Variants in DCAF1 observed in about 807,000 individuals in gnomAD.
DCAF1 encodes DDB1- and CUL4-associated factor 1.
DCAF1 carries 15 observed loss-of-function variants against 128.0 expected under a neutral mutation model. That is an observed-to-expected ratio of 0.12 (90% CI 0.08 to 0.18). The LOEUF is 0.18. Ranked by LOEUF, DCAF1 falls within the 10% of genes least tolerant of loss-of-function variation. DCAF1 has a pLI of 1.00. For missense variants in DCAF1, 988 were observed against 1,649.5 expected, an observed-to-expected ratio of 0.60 and a Z score of 6.95; for synonymous variants, 610 against 603.0, an observed-to-expected ratio of 1.01 and a Z score of -0.17.
At chr3:51,396,978 AAT>A (rs2089245102), downstream of DCAF1, 1 of 167,072 alleles carries the variant, frequency 6.0e-6, no homozygotes, top group Non-Finnish European at 1.5e-5. Context: ...AGGACCAAGA[AAT>A]ACCTGTGTGA....
chr3:51,402,118 A>G (rs1005085015), intron 24 of DCAF1, among the ~76,000 whole-genome samples: 3 of 152,358 alleles, frequency 2.0e-5, no homozygotes, highest in Admixed American at 2.0e-4. Flanking sequence ...AATGGGAAAT[A>G]ACTAGAAGAA....
intron 6 of DCAF1, among the ~76,000 whole-genome samples, chr3:51,445,870 T>G (rs1701799138): frequency 6.6e-6 from 1 of 152,222 alleles, no homozygotes; most frequent in South Asian, 2.1e-4. Flanking sequence ...TTCATTTAAT[T>G]TGAATGTCCT....
intron 10 of DCAF1, among the ~76,000 whole-genome samples, chr3:51,431,216 C>T (rs1442619393): frequency 6.6e-6 from 1 of 152,014 alleles, no homozygotes; most frequent in Non-Finnish European, 1.5e-5. Flanking sequence ...AACCCATTTA[C>T]ACTTTTTAAA....
intron 13 of DCAF1, among the ~76,000 whole-genome samples, chr3:51,425,855 C>A (rs1283753964): frequency 2.0e-5 from 3 of 152,014 alleles, no homozygotes; most frequent in Non-Finnish European, 4.4e-5. Flanking sequence ...TGAACCACCA[C>A]GCCTGGCCTA....
intron 2 of DCAF1, among the ~76,000 whole-genome samples, chr3:51,486,975 CTT>C (rs879971317): frequency 7.6e-6 from 1 of 130,802 alleles, no homozygotes. Flanking sequence ...CTTTTCTTTT[CTT>C]TTTTTTTTTA....
At chr3:51,461,435 G>T (rs1553644490) in intron 6 of DCAF1, among the ~76,000 whole-genome samples, 2 of 152,164 alleles carry the variant, frequency 1.3e-5, no homozygotes, top group Admixed American at 6.6e-5. Flanking sequence ...AGGATGCGGA[G>T]AAATAGGAAC....
rs149372698 is a variant in DCAF1 at position 51,450,880 on chromosome 3, G to C, written c.376-6977C>G. Among the ~76,000 whole-genome samples, 7 of 152,054 alleles carry C rather than the reference G, an allele frequency of 4.6e-5. No homozygotes were observed. In the East Asian group the frequency reaches 1.4e-3, roughly 29 times the overall value. On this transcript the variant is annotated intron_variant, in intron 6 of 24. Coordinates refer to ENST00000684031, the MANE Select transcript of DCAF1 (RefSeq NM_001387579.1). Reference sequence around the variant, plus strand: ...GGAAATTAAAGGAATCCAGATTAGAGAGTAAGAAGTAAGATTACCTCTGTT... The same window carrying C: ...GGAAATTAAAGGAATCCAGATTAGACAGTAAGAAGTAAGATTACCTCTGTT...
chr3:51,470,548 AGAGT>A (rs1215849791), intron 4 of DCAF1, among the ~76,000 whole-genome samples: 1 of 152,224 alleles, frequency 6.6e-6, no homozygotes, highest in East Asian at 1.9e-4. Flanking sequence ...CCTGGGCAAC[AGAGT>A]GAGTACCCAT....
At chr3:51,462,611 T>TG (rs1703723572) in intron 6 of DCAF1, among the ~76,000 whole-genome samples, 1 of 151,286 alleles carries the variant, frequency 6.6e-6, no homozygotes, top group Non-Finnish European at 1.5e-5. Context: ...GTGGACATGG[T>TG]GGTGGGCGCC....
chr3:51,498,220 C>T (rs1306591370), intron 1 of DCAF1, among the ~76,000 whole-genome samples: 1 of 150,722 alleles, frequency 6.6e-6, no homozygotes, highest in Non-Finnish European at 1.5e-5. Context: ...ATTATCCGGG[C>T]GTGGTGGCGC....
intron 5 of DCAF1, among the ~76,000 whole-genome samples, chr3:51,464,583 C>A (rs1577234981): frequency 6.6e-6 from 1 of 151,892 alleles, no homozygotes; most frequent in East Asian, 1.9e-4. Flanking sequence ...GTGGTCTCAG[C>A]TACTCAGGAG....
chr3:51,491,114 T>C lies in DCAF1; in HGVS notation c.-9+5620A>G, dbSNP rs150787512. On this transcript the variant is annotated intron_variant, in intron 2 of 24. Transcript: ENST00000684031. ...CCTGTAATCCCAGCACTTTGGGAGG[T>C]CGAGGCAGGTGGATCACAAGGTCAA... Among the ~76,000 whole-genome samples, 148 of 141,780 alleles carry C rather than the reference T, an allele frequency of 1.0e-3. 1 individual carries two copies. The highest frequency in any genetic ancestry group is 3.8e-3 in the African/African-American group (145 of 37,724). The allele number at this position is 141,780 out of a possible 152,430, so 93.0% of individuals were successfully genotyped here.
At position 51,420,312 on chromosome 3, in the gene DCAF1, G is replaced by T. The variant is rs1553632055; in HGVS notation, c.2658C>A (p.Ala886=). The T allele has an allele frequency of 1.2e-6, 2 of 1,613,912 alleles. No individual in the cohort carries two copies. Among genetic ancestry groups the T allele is most frequent in the African/African-American group, 2.7e-5 (2 of 74,926 alleles). ...LPMTAASHSS[A]FTPVTAAASP... ...AAGCAGCAGCAGTGACTGGGGTAAA[G>T]GCAGAAGAATGGGAGGCAGCAGTCA... is the stretch of plus-strand genomic sequence containing the variant. The change falls in exon 15 of 25, where the codon GCC becomes GCA. Residue 886 remains alanine, a synonymous_variant. Transcript: ENST00000684031. This position sits in a 1 kb window ranked among gnomAD's most constrained non-coding sequence, Gnocchi z 6.5.
intron 4 of DCAF1, among the ~76,000 whole-genome samples, chr3:51,467,263 C>T (rs918256486): frequency 1.3e-5 from 2 of 151,914 alleles, no homozygotes; most frequent in Non-Finnish European, 2.9e-5. Flanking sequence ...ACCCAGGAGG[C>T]GGAGGTTGCA....
upstream of DCAF1, among the ~76,000 whole-genome samples, chr3:51,503,570 G>A (rs1369097201): frequency 1.3e-5 from 2 of 152,138 alleles, no homozygotes; most frequent in Non-Finnish European, 1.5e-5. Context: ...CTGCTCTCCT[G>A]TTGGCTAGAC....
intron 6 of DCAF1, among the ~76,000 whole-genome samples, chr3:51,449,020 A>G (rs1702126316): frequency 6.6e-6 from 1 of 152,160 alleles, no homozygotes; most frequent in African/African-American, 2.4e-5. Flanking sequence ...GAATGAAACT[A>G]GAAATCAACA....
chr3:51,487,759 G>A (rs369753828), intron 2 of DCAF1, among the ~76,000 whole-genome samples: 14 of 150,682 alleles, frequency 9.3e-5, no homozygotes, highest in African/African-American at 3.4e-4. Flanking sequence ...TAGGCTGGTC[G>A]TGAACTCCTG....
chr3:51,439,524 G>A (rs1228197213), intron 9 of DCAF1, among the ~76,000 whole-genome samples: 2 of 138,452 alleles, frequency 1.4e-5, no homozygotes, highest in African/African-American at 2.7e-5. Flanking sequence ...TCACTGCAAC[G>A]TCCACCTCCC....
At chr3:51,423,742 TCTGGGAGGCAGAGGCTA>T (rs1699644783) in intron 13 of DCAF1, among the ~76,000 whole-genome samples, 1 of 149,566 alleles carries the variant, frequency 6.7e-6, no homozygotes, top group Non-Finnish European at 1.5e-5. Context: ...ACTGCTTGAA[TCTGGGAGGCAGAGGCTA>T]CAGTGAGCCA....
Sources: gnomAD v4.1 joint callset for allele counts (sites outside exome capture counted in the v4.1 genomes callset) on GRCh38, gnomAD v4.1.1 for gene constraint, Gnocchi (gnomAD v3.1) non-coding constraint, MANE v1.5 for transcripts, NCBI Gene and HGNC (gene_info 2026-07-23, HGNC 2026-07-21) for gene names.